Variants in TRAF7 observed in about 807,000 individuals in gnomAD.
TRAF7 encodes TNF receptor associated factor 7.
In TRAF7, 45 loss-of-function variants were observed where a neutral mutation model predicts 89.3. The observed-to-expected ratio is 0.50, with a 90% CI of 0.40 to 0.65. TRAF7 has a LOEUF of 0.65. TRAF7 is among the 30% of genes least tolerant of loss of function. The pLI is 0.00. For synonymous variants in TRAF7, 406 were observed against 369.2 expected (o/e 1.10, Z -1.14); for missense variants, 677 against 918.1 (o/e 0.74, Z 3.39).
chr16:2,173,859 T>TTCCCCCCCCCCCCCCCCCCCC, intron 12 of TRAF7, 23 bp downstream of exon 12: 21 of 1,246,250 alleles, frequency 1.7e-5, no homozygotes, highest in East Asian at 6.3e-5. Context: ...CCGCCGTGGC[T>TTCCCCCCCCCCCCCCCCCCCC]CCCGCCCACC....
chr16:2,164,921 T>C (rs1391295346), intron 2 of TRAF7, among the ~76,000 whole-genome samples: 5 of 46,028 alleles, frequency 1.1e-4, no homozygotes, highest in East Asian at 1.0e-3. Flanking sequence ...CTGCGTGGCC[T>C]GGCCTGGTCG....
At chr16:2,160,617 A>AG (rs1036323609) in intron 1 of TRAF7, among the ~76,000 whole-genome samples, 1 of 123,490 alleles carries the variant, frequency 8.1e-6, no homozygotes, top group African/African-American at 3.2e-5. Context: ...AGGGAGGGGT[A>AG]GGGGGGCTGA....
At chr16:2,172,760 G>A (rs1316381230) in intron 9 of TRAF7, among the ~76,000 whole-genome samples, 161 bp downstream of exon 9, 2 of 152,174 alleles carry the variant, frequency 1.3e-5, no homozygotes, top group Non-Finnish European at 2.9e-5. Flanking sequence ...AAACCCAGAG[G>A]GGGAGCCGAG....
At position 2,171,300 on chromosome 16, in the gene TRAF7, C is replaced by T. The variant is rs932129226; in HGVS notation, c.385C>T (p.Leu129=). 1.3e-5 allele frequency: 20 copies of T among 1,556,176 alleles called. No individual in the cohort carries two copies. Among genetic ancestry groups the T allele is most frequent in the Non-Finnish European group, 1.7e-5 (19 of 1,150,542 alleles). Residue 129 remains leucine (L), a synonymous_variant, in exon 6 of 21, where the codon CTG becomes TTG. Transcript: ENST00000326181. The part of the protein sequence containing the change: ...LVFAEQPSVK[L]CCQLCCSVFK... ...GTTTGCGGAGCAGCCCTCGGTGAAG[C>T]TGTGCTGTCAGCTCTGCTGCAGCGT...
chr16:2,174,141 C>A, intron 13 of TRAF7, 93 bp downstream of exon 13: 1 of 1,599,072 alleles, frequency 6.3e-7, no homozygotes. Flanking sequence ...GTGGGACCTT[C>A]TGGGCAGGGC....
rs1277879023 is a variant in TRAF7 at position 2,162,211 on chromosome 16, T to C, written c.-38-1672T>C. Among the ~76,000 whole-genome samples, 1 of 152,008 alleles carries C rather than the reference T, an allele frequency of 6.6e-6. No individual in the cohort carries two copies. The highest frequency in any genetic ancestry group is 2.4e-5 in the African/African-American group (1 of 41,386). Reference sequence around the variant, plus strand: ...AGGGTGGGTGGCCTTCCAGGTGGCATTGGAAGGGACAGGTGGGCCTGGGCA... The same window carrying C: ...AGGGTGGGTGGCCTTCCAGGTGGCACTGGAAGGGACAGGTGGGCCTGGGCA... On this transcript the variant is annotated intron_variant, in intron 1 of 20. Transcript: ENST00000326181. The surrounding 1 kb of genome is among the most constrained non-coding windows in gnomAD (Gnocchi z 5.0).
rs1284537916 is a variant in TRAF7, at chr16:2,172,605, T to TG, written c.794+12dup. On this transcript the variant is annotated splice_region_variant and intron_variant, in intron 9 of 20. Coordinates refer to ENST00000326181, the MANE Select transcript of TRAF7 (RefSeq NM_032271.3). ...TGCCCCCACTCCAAGTACGGGTGAG[T>TG]GGGGGGCGGGCGGGGGTGGGCCGGG... is the stretch of plus-strand genomic sequence containing the variant. 7 of 785,490 alleles carry TG rather than the reference T, an allele frequency of 8.9e-6. No individual in the cohort carries two copies. The highest frequency in any genetic ancestry group is 1.3e-5 in the Non-Finnish European group (7 of 521,090). The allele number at this position is 785,490 out of a possible 1,614,324, so 48.7% of individuals were successfully genotyped here.
At chr16:2,167,090 CTT>C (rs962405418) in intron 3 of TRAF7, among the ~76,000 whole-genome samples, 1 of 151,646 alleles carries the variant, frequency 6.6e-6, no homozygotes, top group South Asian at 2.1e-4. Context: ...CAGGGGCCCT[CTT>C]TTTTTTTCTA....
In TRAF7 at chr16:2,163,909, C is replaced by G. The variant is rs184752135; in HGVS notation, c.-12C>G. The G allele has an allele frequency of 1.2e-6, 2 of 1,611,232 alleles. No homozygotes were observed. Among genetic ancestry groups the G allele is most frequent in the South Asian group, 2.2e-5 (2 of 90,668 alleles). On this transcript the variant is annotated 5_prime_UTR_variant, in exon 2 of 21. Transcript: ENST00000326181. This position sits in a 1 kb window ranked among gnomAD's most constrained non-coding sequence, Gnocchi z 4.3. ...AGGTGCTTCCCAAGGACCGTAGATG[C>G]CTCTCTAGAGCATGAGCTCAGGCAA...
intron 3 of TRAF7, among the ~76,000 whole-genome samples, chr16:2,166,391 A>G (rs879103547): frequency 2.0e-5 from 3 of 152,104 alleles, no homozygotes; most frequent in Non-Finnish European, 4.4e-5. Flanking sequence ...GAAGGGAGGG[A>G]GAGTGGAAGA....
At chr16:2,174,914 CAG>C (rs982165981) in intron 14 of TRAF7, among the ~76,000 whole-genome samples, 195 bp from the exon 15 acceptor site, 3 of 152,220 alleles carry the variant, frequency 2.0e-5, no homozygotes, top group Non-Finnish European at 4.4e-5. Flanking sequence ...AGGCAGGCAT[CAG>C]GGGCTGGCCC....
In TRAF7 at chr16:2,159,800, C is replaced by T. The variant is rs1418450117; in HGVS notation, c.-39+3942C>T. 3.3e-5 allele frequency among the ~76,000 whole-genome samples: 5 copies of T among 152,224 alleles called. No homozygotes were observed. Among genetic ancestry groups the T allele is most frequent in the African/African-American group, 7.2e-5 (3 of 41,460 alleles). On this transcript the variant is annotated intron_variant, in intron 1 of 20. Transcript: ENST00000326181. This position sits in a 1 kb window ranked among gnomAD's most constrained non-coding sequence, Gnocchi z 6.5. Reference sequence around the variant, plus strand: ...GGGGACCCCCACACCCCACCTGCTCCGGGTTGCTGGAGGAGCTGCTTTAAG... The same window carrying T: ...GGGGACCCCCACACCCCACCTGCTCTGGGTTGCTGGAGGAGCTGCTTTAAG...
At chr16:2,171,711 G>C in intron 7 of TRAF7, 106 bp downstream of exon 7, 1 of 1,554,210 alleles carries the variant, frequency 6.4e-7, no homozygotes, top group Non-Finnish European at 8.8e-7. Context: ...GGCCCTGTTT[G>C]GCCTCTGCTG....
chr16:2,173,952 A>G lies in TRAF7; in HGVS notation c.1167A>G (p.Lys389=). 1 of 1,612,052 alleles carries G rather than the reference A, an allele frequency of 6.2e-7. No homozygotes were observed. The highest frequency in any genetic ancestry group is 8.5e-7 in the Non-Finnish European group (1 of 1,179,466). ...SYDPQQIFKC[K]GTFVGHQGPV... ...ACCCTCAGCAGATCTTCAAGTGCAA[A>G]GGGACCTTTGTGGGCCACCAGGGCC... Residue 389 remains lysine (K), a synonymous_variant, in exon 13 of 21, where the codon AAA becomes AAG. Coordinates refer to ENST00000326181, the MANE Select transcript of TRAF7 (RefSeq NM_032271.3).
chr16:2,171,250 C>T lies in TRAF7; in HGVS notation c.349-14C>T. 1.9e-6 allele frequency: 3 copies of T among 1,539,002 alleles called. No homozygotes were observed. The highest frequency in any genetic ancestry group is 2.6e-6 in the Non-Finnish European group (3 of 1,142,250). On this transcript the variant is annotated splice_polypyrimidine_tract_variant and intron_variant, in intron 5 of 20. Coordinates refer to ENST00000326181, the MANE Select transcript of TRAF7 (RefSeq NM_032271.3). The stretch of plus-strand genomic sequence containing the variant: ...GGCCTCCCGCCATCGCCTGCCTTTC[C>T]CGCTTGGTTCCAGGAGCCACTGGTG...
Position 2,173,056 on chromosome 16 carries a change from G to A in TRAF7, c.795-126G>A, listed in dbSNP as rs1433508039. On this transcript the variant is annotated intron_variant, in intron 9 of 20. Transcript: ENST00000326181. ...ATGGGGAGGAGGGGCAGGACGGCAGGTGTGGGTGGGGGCAGCTGGACCTGG... is the reference window on the plus strand; with the variant it reads ...ATGGGGAGGAGGGGCAGGACGGCAGATGTGGGTGGGGGCAGCTGGACCTGG... 3 of 801,210 alleles carry A rather than the reference G, an allele frequency of 3.7e-6. No individual in the cohort carries two copies. The African/African-American group carries it at 5.1e-5, about 14-fold the overall frequency. 49.6% of individuals were successfully genotyped at this position (801,210 alleles called of 1,614,324 possible).
intron 12 of TRAF7, 21 bp downstream of exon 12, chr16:2,173,857 G>GCGGGGGGGGGCCCCC: frequency 3.1e-6 from 5 of 1,607,464 alleles, no homozygotes; most frequent in Non-Finnish European, 4.2e-6. Flanking sequence ...ACCCGCCGTG[G>GCGGGGGGGGGCCCCC]CTCCCGCCCA....
At chr16:2,166,165 C>A (rs1332055073) in intron 3 of TRAF7, among the ~76,000 whole-genome samples, 1 of 152,216 alleles carries the variant, frequency 6.6e-6, no homozygotes, top group African/African-American at 2.4e-5. Flanking sequence ...CTGTGCTGTG[C>A]CCTCTCTCCC....
intron 1 of TRAF7, among the ~76,000 whole-genome samples, chr16:2,156,344 C>A (rs973227599): frequency 6.6e-6 from 1 of 152,192 alleles, no homozygotes; most frequent in Non-Finnish European, 1.5e-5. Flanking sequence ...AACACCACCC[C>A]TTCCTCAATT....
Sources: allele counts gnomAD v4.1 joint callset (sites outside exome capture counted in the v4.1 genomes callset), GRCh38; gene constraint gnomAD v4.1.1; non-coding constraint Gnocchi (gnomAD v3.1); transcripts MANE v1.5; gene names NCBI Gene and HGNC (gene_info 2026-07-23, HGNC 2026-07-21).